Variants in ASPH observed in about 807,000 individuals in gnomAD.
The protein encoded by ASPH is aspartyl/asparaginyl beta-hydroxylase.
In ASPH, 100 loss-of-function variants were observed where a neutral mutation model predicts 118.4. The observed-to-expected ratio is 0.84, with a 90% CI of 0.72 to 1.00. The LOEUF is 1.00. Ranked by LOEUF, ASPH falls within the 50% of genes least tolerant of loss-of-function variation. The probability of loss-of-function intolerance (pLI) is 0.00; values close to 1 mark genes in which losing one functional copy is unlikely to be tolerated. For missense variants in ASPH, 920 were observed against 919.5 expected, an observed-to-expected ratio of 1.00 and a Z score of -0.01; for synonymous variants, 315 against 325.6, an observed-to-expected ratio of 0.97 and a Z score of 0.35.
chr8:61,634,652 A>G (rs1856973769), intron 12 of ASPH, among the ~76,000 whole-genome samples: 1 of 152,214 alleles, frequency 6.6e-6, no homozygotes, highest in African/African-American at 2.4e-5. Context: ...CAGTACAGTG[A>G]CTATTGAATA....
chr8:61,675,457 T>C, intron 3 of ASPH: 1 of 984,854 alleles, frequency 1.0e-6, no homozygotes, highest in Non-Finnish European at 1.2e-6. Context: ...TAACTTACTC[T>C]AAGGCAAAAA....
At chr8:61,593,630 A>G (rs559819443) in intron 14 of ASPH, among the ~76,000 whole-genome samples, 1 of 152,342 alleles carries the variant, frequency 6.6e-6, no homozygotes, top group Admixed American at 6.5e-5. Context: ...CCAGTTTATT[A>G]CATGTAGTTG....
chr8:61,579,871 T>C (rs1198980129), intron 15 of ASPH, among the ~76,000 whole-genome samples: 4 of 150,756 alleles, frequency 2.7e-5, no homozygotes, highest in Non-Finnish European at 4.4e-5. Context: ...TTGCTTTTTT[T>C]TGGTCCAAAA....
chr8:61,526,391 CTT>C (rs912278598), intron 21 of ASPH, among the ~76,000 whole-genome samples: 1 of 151,944 alleles, frequency 6.6e-6, no homozygotes, highest in Admixed American at 6.6e-5. Flanking sequence ...TGCCTAAAGA[CTT>C]TTTTTTGAAA....
chr8:61,565,059 T>C (rs2131619891), intron 17 of ASPH, among the ~76,000 whole-genome samples: 1 of 152,342 alleles, frequency 6.6e-6, no homozygotes, highest in East Asian at 1.9e-4. Context: ...CCTTTGGTAC[T>C]GGGAACCTGG....
chr8:61,534,226 C>T (rs951993582), intron 21 of ASPH, among the ~76,000 whole-genome samples: 5 of 152,206 alleles, frequency 3.3e-5, no homozygotes, highest in South Asian at 4.1e-4. Context: ...GGATTACAGG[C>T]GTGAGCCACC....
intron 14 of ASPH, among the ~76,000 whole-genome samples, chr8:61,610,583 A>G (rs1847003378): frequency 6.6e-6 from 1 of 152,268 alleles, no homozygotes; most frequent in African/African-American, 2.4e-5. Flanking sequence ...ACTACAATAA[A>G]TCTTTAAGAG....
intron 1 of ASPH, among the ~76,000 whole-genome samples, chr8:61,695,829 T>G (rs1340547845): frequency 3.3e-5 from 5 of 152,242 alleles, no homozygotes; most frequent in Non-Finnish European, 1.5e-5. Flanking sequence ...TGATATGGTA[T>G]GAGTAATCAA....
chr8:61,534,021 C>T lies in ASPH; in HGVS notation c.1765-7909G>A, dbSNP rs944878346. 2.0e-5 allele frequency among the ~76,000 whole-genome samples: 3 copies of T among 152,186 alleles called. No homozygotes were observed. In the East Asian group the frequency reaches 5.8e-4, roughly 29 times the overall value. On this transcript the variant is annotated intron_variant, in intron 21 of 24. Transcript: ENST00000379454. The stretch of plus-strand genomic sequence containing the variant: ...AGAGTACAATGGCGCGATCTCGGCT[C>T]ACCACAACCTCTGCCTCCCGGGATC...
chr8:61,532,184 C>T (rs1006959818), intron 21 of ASPH, among the ~76,000 whole-genome samples: 1 of 152,114 alleles, frequency 6.6e-6, no homozygotes, highest in African/African-American at 2.4e-5. Flanking sequence ...TCTTTGCATC[C>T]TCATCAACAC....
chr8:61,566,391 T>C (rs1207730539), intron 17 of ASPH, among the ~76,000 whole-genome samples: 2 of 152,226 alleles, frequency 1.3e-5, no homozygotes, highest in African/African-American at 4.8e-5. Flanking sequence ...AGTTGCTTCT[T>C]ACAGATGAGC....
In ASPH at chr8:61,541,345, C is replaced by T. The variant is rs370332637; in HGVS notation, c.1764+6726G>A. ...CGCCACTGCACTCCAGCCTGGGCAACAGAGTGAGACTCCGTCTAAAAAAAA... is the reference window on the plus strand; with the variant it reads ...CGCCACTGCACTCCAGCCTGGGCAATAGAGTGAGACTCCGTCTAAAAAAAA... On this transcript the variant is annotated intron_variant, in intron 21 of 24. Transcript: ENST00000379454. 6.0e-4 allele frequency among the ~76,000 whole-genome samples: 92 copies of T among 152,106 alleles called. 1 individual carries two copies. In the Middle Eastern group the frequency reaches 0.027, roughly 45 times the overall value.
At chr8:61,512,529 C>T (rs1002510661) in intron 24 of ASPH, among the ~76,000 whole-genome samples, 1 of 152,280 alleles carries the variant, frequency 6.6e-6, no homozygotes, top group East Asian at 1.9e-4. Context: ...TGCCAACACC[C>T]TAATTTTATA....
intron 14 of ASPH, among the ~76,000 whole-genome samples, chr8:61,593,972 A>C (rs1428444858): frequency 6.6e-6 from 1 of 152,170 alleles, no homozygotes; most frequent in Non-Finnish European, 1.5e-5. Context: ...AACAAGATGG[A>C]GTGAGGGTTG....
chr8:61,676,922 A>G, intron 3 of ASPH, among the ~76,000 whole-genome samples: 1 of 152,116 alleles, frequency 6.6e-6, no homozygotes, highest in East Asian at 1.9e-4. Flanking sequence ...GGGCAAAAAT[A>G]CACTCAAATT....
At chr8:61,666,188 C>A (rs1025190491) in intron 3 of ASPH, among the ~76,000 whole-genome samples, 1 of 152,078 alleles carries the variant, frequency 6.6e-6, no homozygotes, top group Non-Finnish European at 1.5e-5. Context: ...AATTAGAATT[C>A]TCTTTCTGCT....
chr8:61,644,648 T>A lies in ASPH; in HGVS notation c.620-16A>T, dbSNP rs572464364. 29 of 1,552,506 alleles carry A rather than the reference T, an allele frequency of 1.9e-5. No homozygotes were observed. Among genetic ancestry groups the A allele is most frequent in the Middle Eastern group, 1.7e-4 (1 of 5,862 alleles). On this transcript the variant is annotated splice_polypyrimidine_tract_variant and intron_variant, in intron 6 of 24. Transcript: ENST00000379454. ...TGCTCGGTTTCTGGAAAAAAAAAAATTAGATTGATATTTACTGCTTTTACA... is the reference window on the plus strand; with the variant it reads ...TGCTCGGTTTCTGGAAAAAAAAAAAATAGATTGATATTTACTGCTTTTACA...
At position 61,596,573 on chromosome 8, in the gene ASPH, C is replaced by T. The variant is rs1414951583; in HGVS notation, c.977-12544G>A. 3.9e-5 allele frequency among the ~76,000 whole-genome samples: 6 copies of T among 152,246 alleles called. No individual in the cohort carries two copies. In the East Asian group the frequency reaches 9.6e-4, roughly 24 times the overall value. On this transcript the variant is annotated intron_variant, in intron 14 of 24. Coordinates refer to ENST00000379454, the MANE Select transcript of ASPH (RefSeq NM_004318.4). ...GGCATCCCAGTCCCCAGCAGAGCCT[C>T]ACCACAGCCTCCACTAAAATTCACA...
intron 14 of ASPH, among the ~76,000 whole-genome samples, chr8:61,614,232 G>A (rs969789189): frequency 2.0e-4 from 30 of 152,004 alleles, no homozygotes; most frequent in African/African-American, 7.0e-4. Context: ...AATTTAATAA[G>A]ATATTAAGTA....
Sources: allele counts gnomAD v4.1 joint callset (sites outside exome capture counted in the v4.1 genomes callset), GRCh38; gene constraint gnomAD v4.1.1; transcripts MANE v1.5; gene names NCBI Gene and HGNC (gene_info 2026-07-23, HGNC 2026-07-21).